Variants in SPAG16 observed in about 807,000 individuals in gnomAD.
SPAG16 encodes sperm-associated antigen 16 protein.
In SPAG16, 86 loss-of-function variants were observed where a neutral mutation model predicts 80.4. The observed-to-expected ratio is 1.07, with a 90% CI of 0.90 to 1.28. The LOEUF is 1.28. Ranked by LOEUF, SPAG16 falls within the 50% of genes most tolerant of loss-of-function variation. The pLI is 0.00. For synonymous variants in SPAG16, 294 were observed against 265.9 expected (o/e 1.11, Z -1.03); for missense variants, 870 against 765.3 (o/e 1.14, Z -1.61).
chr2:214,350,814 G>C (rs1450624630), intron 15 of SPAG16, among the ~76,000 whole-genome samples: 1 of 152,128 alleles, frequency 6.6e-6, no homozygotes, highest in Admixed American at 6.5e-5. Context: ...GGCAATACCA[G>C]GTGAATGGAT....
At chr2:213,830,786 C>A (rs2250198) in intron 10 of SPAG16, among the ~76,000 whole-genome samples, 42,025 of 151,912 alleles carry the variant, frequency 0.28, 6,039 homozygotes, top group Middle Eastern at 0.39. Context: ...AGTCCTTTTC[C>A]ATCACAAATT....
intron 15 of SPAG16, among the ~76,000 whole-genome samples, chr2:214,222,492 G>T (rs2058604890): frequency 1.3e-5 from 2 of 152,126 alleles, no homozygotes; most frequent in Non-Finnish European, 2.9e-5. Context: ...ACAAACTCTT[G>T]TTAATCTTTT....
At chr2:214,109,458 C>A (rs1258800380) in intron 14 of SPAG16, among the ~76,000 whole-genome samples, 1 of 152,138 alleles carries the variant, frequency 6.6e-6, no homozygotes, top group African/African-American at 2.4e-5. Context: ...AATTCCACTT[C>A]TTTTCCAATT....
At chr2:213,702,314 C>T (rs954468054) in intron 10 of SPAG16, among the ~76,000 whole-genome samples, 12 of 152,228 alleles carry the variant, frequency 7.9e-5, no homozygotes, top group African/African-American at 2.4e-4. Context: ...CTGCGGCAAC[C>T]CGCTTGGGTC....
chr2:213,581,651 C>G lies in SPAG16; in HGVS notation c.1070+91561C>G, dbSNP rs556348533. Among the ~76,000 whole-genome samples the G allele has an allele frequency of 2.6e-5, 4 of 152,200 alleles. No homozygotes were observed. The East Asian group carries it at 7.7e-4, about 29-fold the overall frequency. On this transcript the variant is annotated intron_variant, in intron 10 of 15. Transcript: ENST00000331683. The stretch of plus-strand genomic sequence containing the variant: ...ATCTCATTCCCAGTACAATTAGAGC[C>G]AGTGGATCTCTAGGGAAATTGAGAT...
Position 213,284,510 on chromosome 2 carries a change from C to A in SPAG16, c.27C>A (p.Ser9Arg). ...TGGCTGCTCAGCGAGGGATGCCCAGCTCCGCCGTGAGGGTCCTGGAAGAGG... is the reference window on the plus strand; with the variant it reads ...TGGCTGCTCAGCGAGGGATGCCCAGATCCGCCGTGAGGGTCCTGGAAGAGG... MAAQRGMPSSAVRVLEEAL... is the reference protein window; with the variant it reads MAAQRGMPRSAVRVLEEAL... Residue 9 changes from serine (S) to arginine (R), a missense_variant, in exon 1 of 16, where the codon AGC (serine) becomes AGA (arginine). Coordinates refer to ENST00000331683, the MANE Select transcript of SPAG16 (RefSeq NM_024532.5). The A allele has an allele frequency of 6.3e-7, 1 of 1,580,000 alleles. No individual in the cohort carries two copies. Among genetic ancestry groups the A allele is most frequent in the Non-Finnish European group, 8.6e-7 (1 of 1,163,320 alleles).
intron 15 of SPAG16, among the ~76,000 whole-genome samples, chr2:214,341,230 G>A (rs1576825874): frequency 1.3e-5 from 2 of 152,118 alleles, no homozygotes; most frequent in South Asian, 4.2e-4. Flanking sequence ...GAAAAAGAAA[G>A]ACAGAAAACA....
At position 213,862,632 on chromosome 2, in the gene SPAG16, A is replaced by G. The variant is rs780208171; in HGVS notation, c.1214+4A>G. The stretch of plus-strand genomic sequence containing the variant: ...CAGACTGCTGCTTCCATCCCAGGTC[A>G]GTGCACAGGACCCCTAGAAATAGCC... On this transcript the variant is annotated splice_donor_region_variant and intron_variant, in intron 11 of 15. Coordinates refer to ENST00000331683, the MANE Select transcript of SPAG16 (RefSeq NM_024532.5). The G allele has an allele frequency of 5.0e-6, 8 of 1,613,996 alleles. No homozygotes were observed. The highest frequency in any genetic ancestry group is 6.8e-6 in the Non-Finnish European group (8 of 1,179,950).
chr2:213,391,005 C>T (rs2067719970), intron 9 of SPAG16, among the ~76,000 whole-genome samples: 1 of 152,160 alleles, frequency 6.6e-6, no homozygotes, highest in Non-Finnish European at 1.5e-5. Flanking sequence ...CGCGGTGACT[C>T]ATGCCTGTAA....
At chr2:213,296,960 T>TC in intron 2 of SPAG16, 1 of 801,046 alleles carries the variant, frequency 1.2e-6, no homozygotes, top group Admixed American at 4.3e-5. Context: ...GCAAGAATGG[T>TC]GATATTTAGA....
chr2:213,310,991 T>C (rs2063164322), intron 4 of SPAG16, among the ~76,000 whole-genome samples: 1 of 151,812 alleles, frequency 6.6e-6, no homozygotes, highest in African/African-American at 2.4e-5. Context: ...TTGCGATTTT[T>C]ACTCATCCAG....
intron 9 of SPAG16, among the ~76,000 whole-genome samples, chr2:213,471,352 T>C (rs569260136): frequency 2.6e-5 from 4 of 152,232 alleles, no homozygotes; most frequent in African/African-American, 9.6e-5. Context: ...CCACTTCCAT[T>C]TGATGATGGA....
At chr2:213,548,959 A>G (rs905881343) in intron 10 of SPAG16, among the ~76,000 whole-genome samples, 2 of 151,962 alleles carry the variant, frequency 1.3e-5, no homozygotes, top group African/African-American at 4.8e-5. Flanking sequence ...TAAAGCGTGA[A>G]TGCCACTTTA....
At chr2:213,606,131 T>G (rs1266453665) in intron 10 of SPAG16, among the ~76,000 whole-genome samples, 1 of 152,192 alleles carries the variant, frequency 6.6e-6, no homozygotes, top group East Asian at 1.9e-4. Flanking sequence ...ATCCAAGTAG[T>G]GGGTGTTAGT....
At chr2:213,753,996 A>C (rs2068204627) in intron 10 of SPAG16, among the ~76,000 whole-genome samples, 1 of 152,212 alleles carries the variant, frequency 6.6e-6, no homozygotes, top group Non-Finnish European at 1.5e-5. Context: ...TCTGCAGCTC[A>C]CTGGACACAG....
intron 11 of SPAG16, among the ~76,000 whole-genome samples, chr2:213,868,259 T>C (rs541369077): frequency 0.019 from 2,828 of 152,020 alleles, 93 homozygotes; most frequent in African/African-American, 0.065. Flanking sequence ...ATTTTTTTTT[T>C]ATTTTAGATT....
chr2:213,638,012 C>T (rs754651216), intron 10 of SPAG16, among the ~76,000 whole-genome samples: 1 of 152,198 alleles, frequency 6.6e-6, no homozygotes, highest in Admixed American at 6.5e-5. Flanking sequence ...CCGTCTTGGC[C>T]TCCCAGAGTG....
At chr2:213,331,518 A>C (rs1000354043) in intron 5 of SPAG16, among the ~76,000 whole-genome samples, 2 of 152,220 alleles carry the variant, frequency 1.3e-5, no homozygotes, top group Non-Finnish European at 2.9e-5. Context: ...TCCCATTTTC[A>C]GTATTGGACA....
intron 10 of SPAG16, among the ~76,000 whole-genome samples, chr2:213,688,463 G>A (rs560867129): frequency 6.6e-6 from 1 of 152,240 alleles, no homozygotes; most frequent in East Asian, 1.9e-4. Context: ...AACATGTTTG[G>A]ATTTTCTTCT....
Sources: gnomAD v4.1 joint callset for allele counts (sites outside exome capture counted in the v4.1 genomes callset) on GRCh38, gnomAD v4.1.1 for gene constraint, MANE v1.5 for transcripts, NCBI Gene and HGNC (gene_info 2026-07-23, HGNC 2026-07-21) for gene names.